The following NREP variants were observed in gnomAD, a reference collection of about 807,000 sequenced individuals.
NREP encodes neuronal regeneration-related protein.
A neutral mutation model predicts 8.6 loss-of-function variants in NREP; 5 were observed. The ratio of observed to expected loss-of-function variants is 0.58; its 90% CI spans 0.30 to 1.22. The LOEUF (loss-of-function observed/expected upper bound fraction) is 1.22. Ranked by LOEUF, NREP falls within the 50% of genes most tolerant of loss-of-function variation. The pLI is 0.07. For missense variants in NREP, 86 were observed against 82.5 expected, an observed-to-expected ratio of 1.04 and a Z score of -0.17; for synonymous variants, 27 against 28.0, an observed-to-expected ratio of 0.96 and a Z score of 0.11.
chr5:111,797,330 C>T (rs1751897023), intron 2 of NREP, among the ~76,000 whole-genome samples: 1 of 152,098 alleles, frequency 6.6e-6, no homozygotes, highest in African/African-American at 2.4e-5. Context: ...TTTTTGCTTA[C>T]ACTCCAAAAT....
At chr5:111,769,535 T>C (rs866709180) in intron 2 of NREP, among the ~76,000 whole-genome samples, 3 of 152,126 alleles carry the variant, frequency 2.0e-5, no homozygotes, top group Non-Finnish European at 4.4e-5. Context: ...TTGAAAGATA[T>C]TGGGGGAGTG....
chr5:111,862,859 G>C (rs1042105698), intron 2 of NREP, among the ~76,000 whole-genome samples: 5 of 151,118 alleles, frequency 3.3e-5, no homozygotes, highest in Admixed American at 2.7e-4. Flanking sequence ...CAAAACAGGA[G>C]ACAGCCAGTG....
intron 2 of NREP, among the ~76,000 whole-genome samples, chr5:111,879,419 A>G (rs765223056): frequency 2.6e-5 from 4 of 152,254 alleles, no homozygotes; most frequent in East Asian, 3.8e-4. Context: ...AACAAAATAT[A>G]TAAGCAAAAT....
chr5:111,899,102 C>G (rs576339686), intron 2 of NREP, among the ~76,000 whole-genome samples: 1 of 152,234 alleles, frequency 6.6e-6, no homozygotes, highest in East Asian at 1.9e-4. Flanking sequence ...AGTGCTATAT[C>G]TGGAAGCAAA....
intron 2 of NREP, among the ~76,000 whole-genome samples, chr5:111,922,206 T>C (rs1755259432): frequency 6.6e-6 from 1 of 151,960 alleles, no homozygotes; most frequent in South Asian, 2.1e-4. Context: ...CTTTCTGAGG[T>C]GTCTTTTGAT....
At chr5:111,780,711 A>T (rs1751473119) in intron 2 of NREP, among the ~76,000 whole-genome samples, 1 of 152,196 alleles carries the variant, frequency 6.6e-6, no homozygotes, top group Non-Finnish European at 1.5e-5. Flanking sequence ...TAACAGAAAA[A>T]GCAGGAGCTA....
At chr5:111,750,937 CT>C in intron 2 of NREP, among the ~76,000 whole-genome samples, 1 of 152,134 alleles carries the variant, frequency 6.6e-6, no homozygotes, top group Non-Finnish European at 1.5e-5. Context: ...TGTTTTATCC[CT>C]TTAATAATGG....
At chr5:111,962,612 C>T (rs576853620) in intron 2 of NREP, among the ~76,000 whole-genome samples, 14 of 152,340 alleles carry the variant, frequency 9.2e-5, no homozygotes, top group Admixed American at 7.8e-4. Context: ...AGTCCAATCC[C>T]TGTTTGCCCA....
At chr5:111,867,865 T>C (rs147905638) in intron 2 of NREP, among the ~76,000 whole-genome samples, 177 of 152,182 alleles carry the variant, frequency 1.2e-3, no homozygotes, top group African/African-American at 4.1e-3. Flanking sequence ...TTTTAACCAG[T>C]TCAAACTGTA....
chr5:111,740,957 T>C (rs1463494594), intron 2 of NREP, among the ~76,000 whole-genome samples: 1 of 152,208 alleles, frequency 6.6e-6, no homozygotes, highest in Non-Finnish European at 1.5e-5. Flanking sequence ...TTATATCTTT[T>C]TGCAGAGGCT....
At chr5:111,926,648 G>A (rs1387559410) in intron 2 of NREP, among the ~76,000 whole-genome samples, 1 of 152,044 alleles carries the variant, frequency 6.6e-6, no homozygotes, top group African/African-American at 2.4e-5. Flanking sequence ...AGGACTTCCA[G>A]TGCTTCAGAA....
intron 2 of NREP, among the ~76,000 whole-genome samples, chr5:111,843,136 C>T (rs1753073149): frequency 6.6e-6 from 1 of 151,858 alleles, no homozygotes; most frequent in Admixed American, 6.6e-5. Context: ...GACTTTCTTC[C>T]CCTTTATTTC....
chr5:111,803,547 G>A (rs767017211), intron 2 of NREP, among the ~76,000 whole-genome samples: 40 of 152,156 alleles, frequency 2.6e-4, no homozygotes, highest in Non-Finnish European at 4.0e-4. Context: ...GTCTCCCTTT[G>A]TAGGAGAACA....
chr5:111,862,938 G>C (rs1443979205), intron 2 of NREP, among the ~76,000 whole-genome samples: 1 of 150,308 alleles, frequency 6.7e-6, no homozygotes, highest in Admixed American at 6.7e-5. Context: ...CAGGATACTA[G>C]ATCAGCTAGG....
Position 111,949,280 on chromosome 5 carries a change from T to A in NREP, c.135+25994A>T, listed in dbSNP as rs116747590. Among the ~76,000 whole-genome samples the A allele has an allele frequency of 4.1e-3, 628 of 151,970 alleles. 7 individuals carry two copies. Among genetic ancestry groups the A allele is most frequent in the African/African-American group, 0.014 (594 of 41,470 alleles). On this transcript the variant is annotated intron_variant, in intron 2 of 3. Coordinates refer to the NREP transcript ENST00000395634. The stretch of plus-strand genomic sequence containing the variant: ...CATTGAATGAGACAAAGAGTTGAGG[T>A]GATTGCAGCTTGCATCAACAGTGGG...
At chr5:111,955,242 T>C (rs1423805537) in intron 2 of NREP, among the ~76,000 whole-genome samples, 3 of 152,166 alleles carry the variant, frequency 2.0e-5, no homozygotes, top group Non-Finnish European at 4.4e-5. Flanking sequence ...TACCTGGGAT[T>C]ATCACAGTAT....
At chr5:111,753,342 ATATATATATATGTATATATATATG>A (rs1750493934) in intron 2 of NREP, among the ~76,000 whole-genome samples, 1 of 147,324 alleles carries the variant, frequency 6.8e-6, no homozygotes, top group South Asian at 2.1e-4. Context: ...ATATATATAT[ATATATATATATGTATATATATATG>A]ATATGTAGAT....
intron 2 of NREP, among the ~76,000 whole-genome samples, chr5:111,873,858 C>A (rs1318922873): frequency 6.6e-6 from 1 of 152,160 alleles, no homozygotes; most frequent in Non-Finnish European, 1.5e-5. Context: ...GGAGAGACTG[C>A]AGGCAGAACA....
intron 2 of NREP, among the ~76,000 whole-genome samples, chr5:111,939,091 G>A (rs978028127): frequency 7.2e-5 from 11 of 151,914 alleles, no homozygotes; most frequent in South Asian, 4.2e-4. Context: ...AGAAATTACC[G>A]TCCCCCTTGC....
Sources: allele counts gnomAD v4.1 joint callset (sites outside exome capture counted in the v4.1 genomes callset), GRCh38; gene constraint gnomAD v4.1.1; transcripts MANE v1.5; gene names NCBI Gene and HGNC (gene_info 2026-07-23, HGNC 2026-07-21).